The following CADPS variants were observed in gnomAD, a reference collection of about 807,000 sequenced individuals.
CADPS encodes the protein calcium-dependent secretion activator 1.
CADPS carries 57 observed loss-of-function variants against 167.3 expected under a neutral mutation model. The observed-to-expected ratio is 0.34, with a 90% confidence interval of 0.28 to 0.42. CADPS has a LOEUF of 0.42. Ranked by LOEUF, CADPS falls within the 20% of genes least tolerant of loss-of-function variation. CADPS has a pLI of 1.00. For synonymous variants in CADPS, 676 were observed against 635.3 expected, an observed-to-expected ratio of 1.06 and a Z score of -0.96; for missense variants, 1,414 against 1,738.1, an observed-to-expected ratio of 0.81 and a Z score of 3.32.
chr3:62,799,070 C>A lies in CADPS; in HGVS notation c.442-33086G>T, dbSNP rs200410010. Among the ~76,000 whole-genome samples the A allele has an allele frequency of 1.7e-4, 26 of 152,212 alleles. No homozygotes were observed. In the East Asian group the frequency reaches 2.9e-3, roughly 17 times the overall value. On this transcript the variant is annotated intron_variant, in intron 1 of 29. Transcript: ENST00000383710. ...ATCCTCTAGCACCCTGTTGTGGTGACCCTCCTCTAGACAGCATATGTGTGT... is the reference window on the plus strand; with the variant it reads ...ATCCTCTAGCACCCTGTTGTGGTGAACCTCCTCTAGACAGCATATGTGTGT...
At chr3:62,689,008 A>C (rs1395960027) in intron 3 of CADPS, among the ~76,000 whole-genome samples, 3 of 152,066 alleles carry the variant, frequency 2.0e-5, no homozygotes, top group African/African-American at 7.2e-5. Context: ...AATAGGAATA[A>C]CAGTGTGATA....
At chr3:62,684,519 G>T (rs1381849571) in intron 3 of CADPS, among the ~76,000 whole-genome samples, 1 of 152,048 alleles carries the variant, frequency 6.6e-6, no homozygotes, top group Non-Finnish European at 1.5e-5. Context: ...TGTTACTGGG[G>T]AAAGAAAGAT....
At chr3:62,670,671 C>T (rs1257257678) in intron 3 of CADPS, among the ~76,000 whole-genome samples, 1 of 151,896 alleles carries the variant, frequency 6.6e-6, no homozygotes, top group Non-Finnish European at 1.5e-5. Flanking sequence ...AACAAGCAGC[C>T]AATAAATACA....
In CADPS at chr3:62,728,814, C is replaced by T. The variant is rs535673450; in HGVS notation, c.888+24627G>A. Among the ~76,000 whole-genome samples the T allele has an allele frequency of 1.2e-4, 18 of 151,748 alleles. No individual in the cohort carries two copies. The East Asian group carries it at 3.1e-3, about 26-fold the overall frequency. ...TATTGTAAGCTTGACTTGGGGGCGG[C>T]GGAAAACTAGAAAGAGATGAGCAAG... On this transcript the variant is annotated intron_variant, in intron 3 of 29. Coordinates refer to ENST00000383710, the MANE Select transcript of CADPS (RefSeq NM_003716.4).
At chr3:62,588,784 G>C (rs913479599) in intron 7 of CADPS, among the ~76,000 whole-genome samples, 2 of 152,124 alleles carry the variant, frequency 1.3e-5, no homozygotes, top group African/African-American at 2.4e-5. Context: ...AAAGGAGACA[G>C]GTCAGTCTAG....
intron 3 of CADPS, among the ~76,000 whole-genome samples, chr3:62,746,475 C>T (rs1301517041): frequency 1.3e-5 from 2 of 152,050 alleles, no homozygotes. Context: ...AAGCTGGGAC[C>T]ACAGGTACAT....
At chr3:62,547,116 G>C (rs1254050552) in intron 11 of CADPS, among the ~76,000 whole-genome samples, 1 of 152,196 alleles carries the variant, frequency 6.6e-6, no homozygotes, top group Non-Finnish European at 1.5e-5. Context: ...TACTCTGGCT[G>C]CAGTTTTTAT....
chr3:62,853,289 T>A (rs2153116000), intron 1 of CADPS, among the ~76,000 whole-genome samples: 1 of 152,136 alleles, frequency 6.6e-6, no homozygotes, highest in East Asian at 1.9e-4. Context: ...TTGTTTTCAG[T>A]CTTTATGGCC....
chr3:62,475,194 T>C (rs2061113121), intron 23 of CADPS, among the ~76,000 whole-genome samples: 1 of 152,212 alleles, frequency 6.6e-6, no homozygotes, highest in Non-Finnish European at 1.5e-5. Flanking sequence ...AGAAAAAGCC[T>C]AGCCTGACAT....
At chr3:62,821,064 G>A (rs2094891982) in intron 1 of CADPS, among the ~76,000 whole-genome samples, 1 of 152,158 alleles carries the variant, frequency 6.6e-6, no homozygotes. Context: ...CGCCCAAAGT[G>A]CTGGGATTAC....
At chr3:62,638,474 G>C (rs1387617962) in intron 6 of CADPS, among the ~76,000 whole-genome samples, 1 of 152,110 alleles carries the variant, frequency 6.6e-6, no homozygotes, top group Non-Finnish European at 1.5e-5. Context: ...ATTTACTCCA[G>C]ATGTAAGTGG....
intron 6 of CADPS, chr3:62,626,551 C>T (rs1019473530): frequency 2.8e-6 from 2 of 702,710 alleles, no homozygotes; most frequent in Admixed American, 2.0e-5. Flanking sequence ...GGCAGTTGTT[C>T]TCTTCTGTTT....
In CADPS at chr3:62,557,446, T is replaced by C; in HGVS notation, c.1712A>G (p.Gln571Arg). 6.2e-7 allele frequency: 1 copy of C among 1,614,062 alleles called. No individual in the cohort carries two copies. The highest frequency in any genetic ancestry group is 8.5e-7 in the Non-Finnish European group (1 of 1,179,950). ...EKKAEPQELL[Q>R]LDGYTVDYTD... Reference sequence around the variant, plus strand: ...GTAATCCACAGTGTAGCCATCCAATTGTAGAAGTTCCTGAGGCTCCGCTTT... The same window carrying C: ...GTAATCCACAGTGTAGCCATCCAATCGTAGAAGTTCCTGAGGCTCCGCTTT... Residue 571 changes from glutamine (Q) to arginine (R), a missense_variant, in exon 10 of 30, where the codon CAA (glutamine) becomes CGA (arginine). Physicochemically the swap from Gln to Arg is conservative, Grantham distance 43 (BLOSUM62 1). Coordinates refer to ENST00000383710, the MANE Select transcript of CADPS (RefSeq NM_003716.4).
chr3:62,728,294 GTCC>G (rs72498075), intron 3 of CADPS, among the ~76,000 whole-genome samples: 11,744 of 151,856 alleles, frequency 0.077, 613 homozygotes, highest in Non-Finnish European at 0.11. Context: ...AGCAAAGATT[GTCC>G]TCCTCTCGAA....
intron 1 of CADPS, among the ~76,000 whole-genome samples, chr3:62,771,340 C>T (rs1336385787): frequency 6.6e-6 from 1 of 152,148 alleles, no homozygotes; most frequent in Non-Finnish European, 1.5e-5. Context: ...AGTCAGAAAT[C>T]GCATACTCAT....
rs144756142 is a variant in CADPS, at chr3:62,679,709, T to C, written c.889-17315A>G. On this transcript the variant is annotated intron_variant, in intron 3 of 29. Coordinates refer to ENST00000383710, the MANE Select transcript of CADPS (RefSeq NM_003716.4). ...GCCCAAGACTTTTCAACTCCCTGCA[T>C]TGACCCTGGAAAAGCTAGTCACAGA... Among the ~76,000 whole-genome samples the C allele has an allele frequency of 1.2e-3, 190 of 152,152 alleles. 1 individual carries two copies. Among genetic ancestry groups the C allele is most frequent in the African/African-American group, 4.2e-3 (176 of 41,516 alleles).
intron 3 of CADPS, among the ~76,000 whole-genome samples, chr3:62,707,936 TTGTTTG>T (rs1171320868): frequency 6.1e-4 from 77 of 125,476 alleles, no homozygotes; most frequent in African/African-American, 2.2e-3. Context: ...GTTTTTGTTT[TTGTTTG>T]GAGACAGAGT....
At chr3:62,591,030 G>A (rs890261926) in intron 7 of CADPS, among the ~76,000 whole-genome samples, 1 of 151,748 alleles carries the variant, frequency 6.6e-6, no homozygotes, top group Non-Finnish European at 1.5e-5. Flanking sequence ...AATTTTTTTG[G>A]TATTTTTAGT....
At chr3:62,484,012 G>A (rs980479043) in intron 21 of CADPS, among the ~76,000 whole-genome samples, 8 of 151,948 alleles carry the variant, frequency 5.3e-5, no homozygotes, top group Non-Finnish European at 8.8e-5. Context: ...AGCGGGTGGC[G>A]GGTACACAAA....
Sources: allele counts gnomAD v4.1 joint callset (sites outside exome capture counted in the v4.1 genomes callset), GRCh38; gene constraint gnomAD v4.1.1; transcripts MANE v1.5; gene names NCBI Gene and HGNC (gene_info 2026-07-23, HGNC 2026-07-21).